SPRY3: variants seen among roughly 807,000 people sequenced by gnomAD.
The protein encoded by SPRY3 is sprouty RTK signaling antagonist 3, also known as protein sprouty homolog 3.
In SPRY3, 15 loss-of-function variants were observed where a neutral mutation model predicts 20.2. That is an observed-to-expected ratio of 0.74 (90% CI 0.50 to 1.14). SPRY3 has a LOEUF of 1.14. Ranked by LOEUF, SPRY3 falls within the 50% of genes most tolerant of loss-of-function variation. The pLI, the probability that SPRY3 is intolerant of heterozygous loss-of-function variation, is 0.00. For synonymous variants in SPRY3, 143 were observed against 136.5 expected, an observed-to-expected ratio of 1.05 and a Z score of -0.33; for missense variants, 364 against 363.9, an observed-to-expected ratio of 1.00 and a Z score of 0.00.
intron 2 of SPRY3, among the ~76,000 whole-genome samples, chrX:155,736,660 G>A (rs5983771): frequency 1.1e-3 from 164 of 152,042 alleles, no homozygotes; most frequent in African/African-American, 3.9e-3. Context: ...ATGCTTAAGT[G>A]TAGTTTTTTG....
At chrX:155,724,544 G>A (rs1193012470) in intron 2 of SPRY3, among the ~76,000 whole-genome samples, 2 of 152,066 alleles carry the variant, frequency 1.3e-5, no homozygotes, top group African/African-American at 4.8e-5. Context: ...ATTCCTAGTT[G>A]GATTTTATTC....
At chrX:155,761,368 A>C (rs1456285751) in intron 2 of SPRY3, among the ~76,000 whole-genome samples, 1 of 151,210 alleles carries the variant, frequency 6.6e-6, no homozygotes, top group Non-Finnish European at 1.5e-5. Context: ...TTTTAGATTC[A>C]AAAAAAACAG....
chrX:155,662,682 C>CAAAAAAAAAAAAAAAAAAAAA, intron 2 of SPRY3, among the ~76,000 whole-genome samples: 1 of 58,225 alleles, frequency 1.7e-5, no homozygotes, highest in Non-Finnish European at 3.0e-5. Context: ...TGTAGTTTGG[C>CAAAAAAAAAAAAAAAAAAAAA]AAAAAAAAAA....
intron 2 of SPRY3, among the ~76,000 whole-genome samples, chrX:155,754,547 C>T (rs1393301274): frequency 6.6e-6 from 1 of 151,782 alleles, no homozygotes; most frequent in Non-Finnish European, 1.5e-5. Context: ...TTTGTTCTTC[C>T]TTTTCAAGAT....
chrX:155,617,423 T>G (rs781951065), intron 1 of SPRY3, among the ~76,000 whole-genome samples: 2 of 111,168 alleles, frequency 1.8e-5, no homozygotes, highest in Non-Finnish European at 3.8e-5. Context: ...TATTGAGCAA[T>G]AGTCAGCCCA....
At chrX:155,706,341 A>G (rs2090950936) in intron 2 of SPRY3, among the ~76,000 whole-genome samples, 1 of 151,178 alleles carries the variant, frequency 6.6e-6, no homozygotes, top group South Asian at 2.1e-4. Flanking sequence ...CACAGATAAA[A>G]CTTTGCATGG....
intron 1 of SPRY3, among the ~76,000 whole-genome samples, chrX:155,630,245 A>G (rs2067901734): frequency 8.9e-6 from 1 of 112,161 alleles, no homozygotes; most frequent in African/African-American, 3.2e-5. Flanking sequence ...GCCATACTAA[A>G]CATATGAGTG....
chrX:155,738,632 A>C (rs2091184423), intron 2 of SPRY3, among the ~76,000 whole-genome samples: 1 of 151,480 alleles, frequency 6.6e-6, no homozygotes, highest in Non-Finnish European at 1.5e-5. Context: ...GGACAGCCCC[A>C]CCCCCAGCCA....
chrX:155,650,381 T>G lies in SPRY3; in HGVS notation c.-440-6486T>G, dbSNP rs781868139. ...GTGTTGTTAAGTACTCATGGTTATT[T>G]CTTCTTTAATTTTTTAATTACTTTG... is the stretch of plus-strand genomic sequence containing the variant. On this transcript the variant is annotated intron_variant, in intron 1 of 3. Transcript: ENST00000675360. 2.7e-5 allele frequency among the ~76,000 whole-genome samples: 3 copies of G among 112,019 alleles called. No homozygotes were observed. The South Asian group carries it at 1.1e-3, about 41-fold the overall frequency.
intron 2 of SPRY3, among the ~76,000 whole-genome samples, chrX:155,767,270 C>CCT (rs1221337930): frequency 6.6e-6 from 1 of 151,678 alleles, no homozygotes; most frequent in African/African-American, 2.4e-5. Flanking sequence ...GCAATAAATC[C>CCT]CTTCTTTCCC....
At chrX:155,737,717 C>A (rs182778818) in intron 2 of SPRY3, among the ~76,000 whole-genome samples, 2 of 152,124 alleles carry the variant, frequency 1.3e-5, no homozygotes, top group East Asian at 3.9e-4. Flanking sequence ...AACAGGGTGG[C>A]AAAAATAAGA....
At chrX:155,729,613 A>G (rs2091120419) in intron 2 of SPRY3, among the ~76,000 whole-genome samples, 1 of 152,072 alleles carries the variant, frequency 6.6e-6, no homozygotes, top group South Asian at 2.1e-4. Context: ...AAAAAAGAAT[A>G]AAAACTTCAA....
At chrX:155,748,627 G>C in intron 2 of SPRY3, among the ~76,000 whole-genome samples, 1 of 151,884 alleles carries the variant, frequency 6.6e-6, no homozygotes, top group East Asian at 1.9e-4. Context: ...ACTTCTAAAG[G>C]AAGAATTCTG....
intron 2 of SPRY3, among the ~76,000 whole-genome samples, chrX:155,664,208 G>A (rs1310788191): frequency 1.8e-5 from 2 of 110,227 alleles, no homozygotes; most frequent in Non-Finnish European, 3.8e-5. Context: ...TATTTTAAAG[G>A]CCTAAATGAA....
chrX:155,688,130 G>C (rs1279273536), intron 2 of SPRY3, among the ~76,000 whole-genome samples: 1 of 98,657 alleles, frequency 1.0e-5, no homozygotes, highest in African/African-American at 3.8e-5. Flanking sequence ...GTGAGAACAT[G>C]CAGTATCTGC....
chrX:155,746,975 C>T (rs2091230366), intron 2 of SPRY3, among the ~76,000 whole-genome samples: 1 of 151,836 alleles, frequency 6.6e-6, no homozygotes, highest in Non-Finnish European at 1.5e-5. Flanking sequence ...CCTCTTGGCT[C>T]CAAACTGTGG....
chrX:155,633,875 A>T (rs1557350731), intron 1 of SPRY3, among the ~76,000 whole-genome samples: 3 of 111,775 alleles, frequency 2.7e-5, no homozygotes, highest in South Asian at 3.7e-4. Flanking sequence ...ACTTCCCATT[A>T]GTAACAGAAT....
intron 2 of SPRY3, among the ~76,000 whole-genome samples, chrX:155,687,371 A>G (rs1319098178): frequency 1.8e-5 from 2 of 112,787 alleles, no homozygotes; most frequent in Non-Finnish European, 3.8e-5. Flanking sequence ...TTGACAAAAA[A>G]CAGTTGTCTA....
intron 1 of SPRY3, among the ~76,000 whole-genome samples, chrX:155,629,208 C>T (rs1437089703): frequency 2.2e-5 from 2 of 92,715 alleles, no homozygotes; most frequent in East Asian, 7.8e-4. Flanking sequence ...ATCCTGTGTC[C>T]AAGTGTTCTC....
Sources: gnomAD v4.1 joint callset for allele counts (sites outside exome capture counted in the v4.1 genomes callset) on GRCh38, gnomAD v4.1.1 for gene constraint, MANE v1.5 for transcripts, NCBI Gene and HGNC (gene_info 2026-07-23, HGNC 2026-07-21) for gene names.